PAQR5: variants seen among roughly 807,000 people sequenced by gnomAD.
The protein encoded by PAQR5 is progestin and adipoQ receptor family member 5.
In PAQR5, 20 loss-of-function variants were observed where a neutral mutation model predicts 34.5. That is an observed-to-expected ratio of 0.58 (90% confidence interval 0.41 to 0.84). The LOEUF is 0.84. PAQR5 is among the 40% of genes least tolerant of loss of function. The pLI, the probability that PAQR5 is intolerant of heterozygous loss-of-function variation, is 0.00. For missense variants in PAQR5, 378 were observed against 412.7 expected, an observed-to-expected ratio of 0.92 and a Z score of 0.73; for synonymous variants, 131 against 155.6, an observed-to-expected ratio of 0.84 and a Z score of 1.18.
Position 69,400,103 on chromosome 15 carries a change from T to C in PAQR5, c.739T>C (p.Phe247Leu). ...GCCAGAACGCCTAGCCCCTGGACGC[T>C]TTGACTACATCGGTGAGTGGGCAAC... ...HLPERLAPGR[F>L]DYIGHSHQLF... Residue 247 changes from phenylalanine to leucine, a missense_variant, in exon 8 of 9, where the codon TTT (phenylalanine) becomes CTT (leucine). Physicochemically the swap from Phe to Leu is conservative, Grantham distance 22. Coordinates refer to ENST00000395407, the MANE Select transcript of PAQR5 (RefSeq NM_017705.4). 1 of 1,613,132 alleles carries C rather than the reference T, an allele frequency of 6.2e-7. No individual in the cohort carries two copies.
rs905568758 is a variant in PAQR5, at chr15:69,299,259, G to C, written c.-277+203G>C. On this transcript the variant is annotated intron_variant, in intron 1 of 8. Transcript: ENST00000395407. The stretch of plus-strand genomic sequence containing the variant: ...CGCGGCTCGGCCACTTTCACCGCAC[G>C]CGGGGCCGGTGTGAAGGTGGGGCGG... Among the ~76,000 whole-genome samples, 559 of 152,284 alleles carry C rather than the reference G, an allele frequency of 3.7e-3. 9 individuals carry two copies. Among genetic ancestry groups the C allele is most frequent in the African/African-American group, 0.012 (519 of 41,574 alleles).
At chr15:69,394,217 A>G (rs1310086550) in intron 6 of PAQR5, among the ~76,000 whole-genome samples, 1 of 2,154 alleles carries the variant, frequency 4.6e-4, no homozygotes, top group Non-Finnish European at 0.023. Context: ...CTCTAAGGAC[A>G]GCTTAGAGGC....
At chr15:69,350,387 A>G (rs925732072) in intron 2 of PAQR5, among the ~76,000 whole-genome samples, 2 of 152,206 alleles carry the variant, frequency 1.3e-5, no homozygotes, top group Admixed American at 1.3e-4. Context: ...TCACACCTGT[A>G]ATCCCAGCAC....
chr15:69,393,215 G>A (rs886152873), intron 6 of PAQR5, among the ~76,000 whole-genome samples: 5 of 151,958 alleles, frequency 3.3e-5, no homozygotes, highest in Admixed American at 6.6e-5. Context: ...CCTCGTCCTC[G>A]CTCCACGTTC....
At chr15:69,315,893 C>G (rs890241092) in intron 1 of PAQR5, among the ~76,000 whole-genome samples, 4 of 152,068 alleles carry the variant, frequency 2.6e-5, no homozygotes, top group African/African-American at 4.8e-5. Context: ...CATGCCGCTT[C>G]CTTCCCCTTG....
At chr15:69,359,471 G>T (rs941775399) in intron 2 of PAQR5, among the ~76,000 whole-genome samples, 1 of 152,084 alleles carries the variant, frequency 6.6e-6, no homozygotes, top group Non-Finnish European at 1.5e-5. Flanking sequence ...AAGGGGGTGC[G>T]TGTGAGAGGG....
chr15:69,350,117 A>G (rs1177222149), intron 2 of PAQR5, among the ~76,000 whole-genome samples: 1 of 152,250 alleles, frequency 6.6e-6, no homozygotes, highest in African/African-American at 2.4e-5. Context: ...ATGCAGTGGG[A>G]ATAACTGGAT....
At chr15:69,363,549 GTTT>G (rs201766941) in intron 3 of PAQR5, among the ~76,000 whole-genome samples, 717 of 54,342 alleles carry the variant, frequency 0.013, 24 homozygotes, top group African/African-American at 0.028. Flanking sequence ...TTTTGTTTTT[GTTT>G]TTTTTTTTTT....
intron 1 of PAQR5, among the ~76,000 whole-genome samples, chr15:69,322,737 GA>G: frequency 2.9e-5 from 1 of 34,332 alleles, no homozygotes; most frequent in Non-Finnish European, 6.3e-5. Context: ...AGAAGAAGAA[GA>G]AGAAGAAGAA....
intron 1 of PAQR5, among the ~76,000 whole-genome samples, chr15:69,325,317 C>T (rs894348404): frequency 2.6e-5 from 4 of 152,164 alleles, no homozygotes; most frequent in African/African-American, 9.7e-5. Flanking sequence ...GCAGCTGCAT[C>T]GCCCTTATAG....
At chr15:69,352,889 A>G (rs746632662) in intron 2 of PAQR5, among the ~76,000 whole-genome samples, 10 of 152,216 alleles carry the variant, frequency 6.6e-5, no homozygotes, top group Non-Finnish European at 1.5e-4. Flanking sequence ...GACCTCTCTG[A>G]TTGGGCAAAA....
intron 8 of PAQR5, among the ~76,000 whole-genome samples, chr15:69,402,886 C>T (rs2056677892): frequency 1.3e-5 from 2 of 152,266 alleles, no homozygotes; most frequent in African/African-American, 4.8e-5. Context: ...CCCAGCACGT[C>T]CCTGTCCCTG....
chr15:69,382,441 T>A (rs2055911647), intron 4 of PAQR5, among the ~76,000 whole-genome samples: 1 of 151,730 alleles, frequency 6.6e-6, no homozygotes, highest in African/African-American at 2.4e-5. Context: ...GGTCAGGAGA[T>A]CGAGACCATC....
intron 6 of PAQR5, 22 bp downstream of exon 6, chr15:69,389,802 G>A (rs1380210411): frequency 6.2e-7 from 1 of 1,612,500 alleles, no homozygotes; most frequent in Non-Finnish European, 8.5e-7. Flanking sequence ...TCTGACCTCA[G>A]ATGGGAGGGG....
chr15:69,330,191 G>A (rs1041482818), intron 1 of PAQR5, among the ~76,000 whole-genome samples: 1 of 152,184 alleles, frequency 6.6e-6, no homozygotes, highest in Non-Finnish European at 1.5e-5. Context: ...ACCAGGGAAT[G>A]TTAGTGAAAC....
At chr15:69,310,105 C>G (rs757107282) in intron 1 of PAQR5, among the ~76,000 whole-genome samples, 1 of 152,048 alleles carries the variant, frequency 6.6e-6, no homozygotes, top group Non-Finnish European at 1.5e-5. Context: ...AAAGCTGCTT[C>G]TTTCTTGCTT....
rs2056202367 is a variant in PAQR5 at position 69,389,679 on chromosome 15, C to T, written c.411C>T (p.Tyr137=). 1.9e-6 allele frequency: 3 copies of T among 1,614,226 alleles called. No homozygotes were observed. Among genetic ancestry groups the T allele is most frequent in the Non-Finnish European group, 2.5e-6 (3 of 1,180,036 alleles). Residue 137 remains tyrosine, a synonymous_variant, in exon 6 of 9, where the codon TAC becomes TAT. Coordinates refer to ENST00000395407, the MANE Select transcript of PAQR5 (RefSeq NM_017705.4). ...GCTCAGCCATTGCCTACTCTGCATA[C>T]ACGTTCCCGGATGCGCTCATGTGCA... ...SLGSAIAYSA[Y]TFPDALMCTT...
At chr15:69,382,787 TATATATATATGACC>T (rs1163086864) in intron 4 of PAQR5, 4 of 1,778 alleles carry the variant, frequency 2.2e-3, no homozygotes, top group African/African-American at 6.3e-3. Context: ...CATATATATA[TATATATATATGACC>T]ATATATATAT....
intron 3 of PAQR5, among the ~76,000 whole-genome samples, chr15:69,373,046 C>T (rs914526561): frequency 2.6e-5 from 4 of 152,100 alleles, no homozygotes; most frequent in African/African-American, 9.7e-5. Flanking sequence ...TGCCTGCTCT[C>T]CTTGGCTCCT....
Sources: gnomAD v4.1 joint callset for allele counts (sites outside exome capture counted in the v4.1 genomes callset) on GRCh38, gnomAD v4.1.1 for gene constraint, MANE v1.5 for transcripts, NCBI Gene and HGNC (gene_info 2026-07-23, HGNC 2026-07-21) for gene names.